The following PKD2L2 variants were observed in gnomAD, a reference collection of about 807,000 sequenced individuals.
PKD2L2 encodes the protein polycystin 2 like 2, transient receptor potential cation channel, also known as polycystin-2-like protein 2.
A neutral mutation model predicts 83.9 loss-of-function variants in PKD2L2; 67 were observed. The observed-to-expected ratio is 0.80, with a 90% CI of 0.66 to 0.98. The LOEUF is 0.98. Among genes scored for constraint, PKD2L2 ranks in the 50% least tolerant of loss-of-function variants. The pLI is 0.00. For missense variants in PKD2L2, 632 were observed against 717.2 expected, an observed-to-expected ratio of 0.88 and a Z score of 1.36; for synonymous variants, 223 against 237.8, an observed-to-expected ratio of 0.94 and a Z score of 0.57.
In PKD2L2 at chr5:137,908,872, C is replaced by A; in HGVS notation, c.1254C>A (p.Phe418Leu). 6.2e-7 allele frequency: 1 copy of A among 1,607,664 alleles called. No homozygotes were observed. The change falls in exon 8 of 15, where the codon TTC becomes TTA. Residue 418 changes from phenylalanine (F) to leucine (L), a missense_variant. This residue lies in a region of PKD2L2 where 399 missense variants were observed against 416.9 expected (regional missense o/e 0.96). Coordinates refer to ENST00000508883, the MANE Select transcript of PKD2L2 (RefSeq NM_001300921.2). ...TTGCCATCATGTTTTTTATAATATT[C>A]TTTGCTTATGCCCAGTTAGGATTTC... is the stretch of plus-strand genomic sequence containing the variant. The part of the protein sequence containing the change: ...VGFAIMFFII[F>L]FAYAQLGFLV...
intron 5 of PKD2L2, among the ~76,000 whole-genome samples, chr5:137,902,413 C>G (rs1410371011): frequency 6.6e-6 from 1 of 152,164 alleles, no homozygotes; most frequent in Non-Finnish European, 1.5e-5. Flanking sequence ...CCTGAGACAG[C>G]AAGACCCTCC....
At chr5:137,923,983 G>A (rs573501575) in intron 10 of PKD2L2, among the ~76,000 whole-genome samples, 1 of 152,254 alleles carries the variant, frequency 6.6e-6, no homozygotes, top group Non-Finnish European at 1.5e-5. Flanking sequence ...ACCATGAAAA[G>A]AATTTGTTTC....
intron 8 of PKD2L2, among the ~76,000 whole-genome samples, chr5:137,910,293 C>T (rs1305467597): frequency 6.7e-6 from 1 of 149,880 alleles, no homozygotes; most frequent in Non-Finnish European, 1.5e-5. Flanking sequence ...TAATAATTGG[C>T]ATTGAATACA....
At chr5:137,913,491 A>ATT (rs35300343) in intron 8 of PKD2L2, among the ~76,000 whole-genome samples, 25 of 132,432 alleles carry the variant, frequency 1.9e-4, no homozygotes, top group South Asian at 2.4e-4. Context: ...GCCATGGCTA[A>ATT]TTTTTTTTTT....
intron 14 of PKD2L2, among the ~76,000 whole-genome samples, chr5:137,937,250 A>G (rs1760517888): frequency 6.6e-6 from 1 of 152,212 alleles, no homozygotes; most frequent in African/African-American, 2.4e-5. Flanking sequence ...AGTGTAGAAC[A>G]AACTCCCCAG....
intron 4 of PKD2L2, 73 bp downstream of exon 4, chr5:137,894,682 A>G: frequency 6.0e-6 from 7 of 1,175,222 alleles, no homozygotes; most frequent in East Asian, 2.3e-5. Flanking sequence ...GTGTCTTCCA[A>G]GTAACACCAG....
intron 12 of PKD2L2, among the ~76,000 whole-genome samples, chr5:137,926,376 A>G (rs1048165084): frequency 2.0e-5 from 3 of 146,990 alleles, no homozygotes; most frequent in Admixed American, 6.8e-5. Flanking sequence ...AAAAAAAAAA[A>G]GTGAACCATT....
rs143062971 is a variant in PKD2L2, at chr5:137,924,767, G to A, written c.1552-273G>A. 1.7e-3 allele frequency among the ~76,000 whole-genome samples: 263 copies of A among 152,162 alleles called. 2 individuals carry two copies. Among genetic ancestry groups the A allele is most frequent in the African/African-American group, 6.2e-3 (256 of 41,512 alleles). On this transcript the variant is annotated intron_variant, in intron 10 of 14. Coordinates refer to ENST00000508883, the MANE Select transcript of PKD2L2 (RefSeq NM_001300921.2). Reference sequence around the variant, plus strand: ...CATTAAAAGTGTTAACATCCTTAACGCAATACATGTTAACGCTTTTTAAAG... The same window carrying A: ...CATTAAAAGTGTTAACATCCTTAACACAATACATGTTAACGCTTTTTAAAG...
intron 8 of PKD2L2, among the ~76,000 whole-genome samples, chr5:137,920,915 GA>G (rs1437793992): frequency 1.3e-5 from 2 of 152,188 alleles, no homozygotes; most frequent in African/African-American, 4.8e-5. Context: ...ACTGACATTA[GA>G]AAGTTTAGGG....
rs1388916867 is a variant in PKD2L2, at chr5:137,889,541, G to T, written c.31+19G>T. The T allele has an allele frequency of 3.2e-6, 5 of 1,539,410 alleles. No homozygotes were observed. Among genetic ancestry groups the T allele is most frequent in the African/African-American group, 1.5e-5 (1 of 68,594 alleles). The stretch of plus-strand genomic sequence containing the variant: ...CGAGGCGGTGAGGGGTCCTCTTAAG[G>T]AGTGGGAGGGACAGGGGCGATTTGG... On this transcript the variant is annotated intron_variant, in intron 1 of 14. Coordinates refer to ENST00000508883, the MANE Select transcript of PKD2L2 (RefSeq NM_001300921.2).
chr5:137,906,167 T>C (rs700605), intron 5 of PKD2L2, 39 bp from the exon 6 acceptor site: 980,983 of 1,176,644 alleles, frequency 0.83, 411,844 homozygotes, highest in East Asian at 0.94. Flanking sequence ...ATATAAATGC[T>C]TGAAATGAAC....
At chr5:137,934,837 C>T (rs1370384399) in intron 12 of PKD2L2, among the ~76,000 whole-genome samples, 2 of 151,788 alleles carry the variant, frequency 1.3e-5, no homozygotes, top group South Asian at 2.1e-4. Flanking sequence ...GAGCCGAGAT[C>T]GTGCCACTGC....
intron 8 of PKD2L2, among the ~76,000 whole-genome samples, chr5:137,921,359 A>AAAG (rs1303783952): frequency 3.7e-5 from 1 of 26,818 alleles, no homozygotes; most frequent in Admixed American, 4.8e-4. Flanking sequence ...TGACTGTCTC[A>AAAG]AAGAAAAAAA....
chr5:137,941,965 G>C, intron 14 of PKD2L2: 1 of 1,613,866 alleles, frequency 6.2e-7, no homozygotes, highest in Non-Finnish European at 8.5e-7. Context: ...TTGATAAAAT[G>C]CTTCTTCAAA....
chr5:137,892,452 T>C (rs1218600696), intron 2 of PKD2L2, 28 bp from the exon 3 acceptor site: 1 of 1,321,922 alleles, frequency 7.6e-7, no homozygotes, highest in Non-Finnish European at 1.0e-6. Context: ...TAAATGTAAA[T>C]TATTAAACAA....
At chr5:137,929,559 A>AAC (rs1580989753) in intron 12 of PKD2L2, among the ~76,000 whole-genome samples, 1 of 147,752 alleles carries the variant, frequency 6.8e-6, no homozygotes, top group East Asian at 2.0e-4. Context: ...AAAAAAAAAA[A>AAC]CAGACCACAC....
At chr5:137,931,711 G>C (rs1759894618) in intron 12 of PKD2L2, among the ~76,000 whole-genome samples, 1 of 152,112 alleles carries the variant, frequency 6.6e-6, no homozygotes, top group Admixed American at 6.5e-5. Flanking sequence ...TTACTTAATA[G>C]GAAAACATTG....
chr5:137,893,993 G>C (rs1186237764), intron 3 of PKD2L2, among the ~76,000 whole-genome samples: 2 of 152,158 alleles, frequency 1.3e-5, no homozygotes, highest in Non-Finnish European at 2.9e-5. Context: ...TCGGGGAGGA[G>C]GGTTGGGAGG....
At chr5:137,902,330 G>A (rs1757030089) in intron 5 of PKD2L2, among the ~76,000 whole-genome samples, 1 of 151,754 alleles carries the variant, frequency 6.6e-6, no homozygotes, top group African/African-American at 2.4e-5. Flanking sequence ...TGTAAAATCT[G>A]TAAAGTTTCA....
Sources: allele counts gnomAD v4.1 joint callset (sites outside exome capture counted in the v4.1 genomes callset), GRCh38; gene constraint gnomAD v4.1.1; regional missense constraint gnomAD v4.1.1; transcripts MANE v1.5; gene names NCBI Gene and HGNC (gene_info 2026-07-23, HGNC 2026-07-21).